The following XPR1 variants were observed in gnomAD, a reference collection of about 807,000 sequenced individuals.
XPR1 encodes xenotropic and polytropic retrovirus receptor 1, also known as solute carrier family 53 member 1.
XPR1 carries 28 observed loss-of-function variants against 87.5 expected under a neutral mutation model. The observed-to-expected ratio is 0.32, with a 90% CI of 0.24 to 0.44. XPR1 has a LOEUF of 0.44. Ranked by LOEUF, XPR1 falls within the 20% of genes least tolerant of loss-of-function variation. XPR1 has a pLI of 1.00. For synonymous variants in XPR1, 300 were observed against 306.1 expected (o/e 0.98, Z 0.21); for missense variants, 559 against 862.3 (o/e 0.65, Z 4.41).
intron 11 of XPR1, among the ~76,000 whole-genome samples, chr1:180,858,590 GC>G (rs1652114141): frequency 6.6e-6 from 1 of 152,082 alleles, no homozygotes; most frequent in South Asian, 2.1e-4. Flanking sequence ...TTAGCCTTAG[GC>G]CCTATGAGTT....
chr1:180,786,609 T>C (rs1326695700), intron 2 of XPR1, among the ~76,000 whole-genome samples: 1 of 152,230 alleles, frequency 6.6e-6, no homozygotes, highest in Admixed American at 6.5e-5. Context: ...AGTAGGTTGA[T>C]AGGCTATGTG....
At chr1:180,840,720 T>C (rs979315203) in intron 11 of XPR1, among the ~76,000 whole-genome samples, 4 of 151,906 alleles carry the variant, frequency 2.6e-5, no homozygotes, top group African/African-American at 7.3e-5. Flanking sequence ...TAGTTACATG[T>C]TAAATATTCA....
chr1:180,863,414 G>A (rs746123738), intron 11 of XPR1, among the ~76,000 whole-genome samples: 4 of 152,078 alleles, frequency 2.6e-5, no homozygotes, highest in Non-Finnish European at 5.9e-5. Flanking sequence ...TGTAACATTC[G>A]ACGCCTTCAT....
intron 7 of XPR1, among the ~76,000 whole-genome samples, chr1:180,817,021 G>A (rs916671283): frequency 2.6e-5 from 4 of 152,022 alleles, no homozygotes; most frequent in African/African-American, 9.7e-5. Context: ...CAGTGATATT[G>A]GTGATTCTGA....
chr1:180,725,101 A>G (rs770113058), intron 2 of XPR1, among the ~76,000 whole-genome samples: 4 of 152,222 alleles, frequency 2.6e-5, no homozygotes, highest in Non-Finnish European at 4.4e-5. Context: ...TATCGTACAC[A>G]TTCAAAGTGT....
At chr1:180,710,135 C>T (rs1657711784) in intron 2 of XPR1, among the ~76,000 whole-genome samples, 1 of 151,480 alleles carries the variant, frequency 6.6e-6, no homozygotes, top group Admixed American at 6.6e-5. Flanking sequence ...CTTGTGATCT[C>T]CCCGTCTTCG....
Position 180,706,346 on chromosome 1 carries a change from A to G in XPR1, c.121+23935A>G, listed in dbSNP as rs554034633. ...ATGGTCCCATTGAGTTTCCGGCTCT[A>G]CTTTTTAAAATGATTCTTACAGCTG... is the stretch of plus-strand genomic sequence containing the variant. On this transcript the variant is annotated intron_variant, in intron 2 of 14. Transcript: ENST00000367590. Among the ~76,000 whole-genome samples the G allele has an allele frequency of 1.2e-4, 19 of 152,290 alleles. No homozygotes were observed. In the South Asian group the frequency reaches 3.7e-3, roughly 30 times the overall value.
At chr1:180,640,479 C>T (rs1320968443) in intron 1 of XPR1, among the ~76,000 whole-genome samples, 1 of 152,176 alleles carries the variant, frequency 6.6e-6, no homozygotes, top group Non-Finnish European at 1.5e-5. Context: ...CTCTTAATTT[C>T]TATGGCGTAC....
At chr1:180,795,697 T>G (rs548019153) in intron 3 of XPR1, among the ~76,000 whole-genome samples, 1 of 152,234 alleles carries the variant, frequency 6.6e-6, no homozygotes, top group South Asian at 2.1e-4. Flanking sequence ...AAGAAAGAAC[T>G]TAGAAGTTCT....
In XPR1 at chr1:180,764,943, A is replaced by G. The variant is rs370493272; in HGVS notation, c.122-22810A>G. Among the ~76,000 whole-genome samples the G allele has an allele frequency of 0.022, 3,338 of 149,224 alleles. 411 individuals are homozygous for G. The East Asian group carries it at 0.38, about 17-fold the overall frequency. ...TGGGACTGCAGGCGCCCACCACCAC[A>G]CCCAGCTAATTTTTTATATTTTTAG... On this transcript the variant is annotated intron_variant, in intron 2 of 14. Coordinates refer to ENST00000367590, the MANE Select transcript of XPR1 (RefSeq NM_004736.4).
At chr1:180,654,700 G>T (rs74135803) in intron 1 of XPR1, among the ~76,000 whole-genome samples, 3,659 of 152,182 alleles carry the variant, frequency 0.024, 153 homozygotes, top group African/African-American at 0.082. Context: ...ATCACTTAGT[G>T]TAATGTCCTC....
intron 1 of XPR1, among the ~76,000 whole-genome samples, chr1:180,656,523 T>TTATATATTATATATAATA (rs1655517067): frequency 1.7e-5 from 1 of 60,188 alleles, no homozygotes; most frequent in African/African-American, 7.1e-5. Context: ...TATATAATAT[T>TTATATATTATATATAATA]TATATATTAT....
intron 2 of XPR1, among the ~76,000 whole-genome samples, chr1:180,730,099 C>T (rs1384074074): frequency 1.3e-5 from 2 of 152,184 alleles, no homozygotes; most frequent in Non-Finnish European, 2.9e-5. Flanking sequence ...TTTCAGTCTT[C>T]TGCGTATGGC....
At chr1:180,877,162 T>G (rs897336674) in intron 13 of XPR1, among the ~76,000 whole-genome samples, 1 of 152,198 alleles carries the variant, frequency 6.6e-6, no homozygotes, top group African/African-American at 2.4e-5. Flanking sequence ...TGTGTAGACG[T>G]GAGAAAATCG....
Position 180,886,156 on chromosome 1 carries a change from A to C in XPR1, c.*2090A>C, listed in dbSNP as rs1022322063. Reference sequence around the variant, plus strand: ...TGTTAACAATTTAGTGACCCTTGGTAGGTTAAAGGTTGCATTATTTATACT... The same window carrying C: ...TGTTAACAATTTAGTGACCCTTGGTCGGTTAAAGGTTGCATTATTTATACT... On this transcript the variant is annotated 3_prime_UTR_variant, in exon 15 of 15. Transcript: ENST00000367590. The C allele has an allele frequency of 1.3e-5, 2 of 152,232 alleles. No individual in the cohort carries two copies. Among genetic ancestry groups the C allele is most frequent in the African/African-American group, 4.8e-5 (2 of 41,464 alleles). 9.4% of individuals were successfully genotyped at this position (152,232 alleles called of 1,614,324 possible). A position where few individuals can be genotyped will look rare whatever the true frequency, so the allele number is the denominator to read the frequency against.
chr1:180,661,297 C>G (rs1391552275), intron 1 of XPR1, among the ~76,000 whole-genome samples: 3 of 151,772 alleles, frequency 2.0e-5, no homozygotes, highest in Non-Finnish European at 4.4e-5. Context: ...AAAACAGGGT[C>G]TTGTTTTTTT....
chr1:180,684,546 G>A (rs1419907983), intron 2 of XPR1, among the ~76,000 whole-genome samples: 1 of 152,128 alleles, frequency 6.6e-6, no homozygotes, highest in African/African-American at 2.4e-5. Flanking sequence ...TAGCTTGATG[G>A]GGATGGCATT....
At chr1:180,853,624 TAG>T (rs1651938029) in intron 11 of XPR1, among the ~76,000 whole-genome samples, 1 of 96,434 alleles carries the variant, frequency 1.0e-5, no homozygotes, top group Non-Finnish European at 2.1e-5. Context: ...TATTAGACTA[TAG>T]ACACACACAC....
chr1:180,877,480 A>G (rs192433980), intron 13 of XPR1, among the ~76,000 whole-genome samples: 122 of 152,304 alleles, frequency 8.0e-4, no homozygotes, highest in Non-Finnish European at 2.9e-5. Context: ...ATCCATATGG[A>G]AAAAAATGGT....
Sources: allele counts gnomAD v4.1 joint callset (sites outside exome capture counted in the v4.1 genomes callset), GRCh38; gene constraint gnomAD v4.1.1; transcripts MANE v1.5; gene names NCBI Gene and HGNC (gene_info 2026-07-23, HGNC 2026-07-21).